USP24: variants seen among roughly 807,000 people sequenced by gnomAD.
The protein encoded by USP24 is ubiquitin carboxyl-terminal hydrolase 24.
In USP24, 97 loss-of-function variants were observed where a neutral mutation model predicts 361.6. That is an observed-to-expected ratio of 0.27 (90% confidence interval 0.23 to 0.32). The LOEUF (loss-of-function observed/expected upper bound fraction) is 0.32, where lower values mean the gene tolerates loss of function less well. USP24 is among the 10% of genes least tolerant of loss of function. USP24 has a pLI of 1.00. For synonymous variants in USP24, 1,098 were observed against 1,124.6 expected, an observed-to-expected ratio of 0.98 and a Z score of 0.47; for missense variants, 2,353 against 3,165.6, an observed-to-expected ratio of 0.74 and a Z score of 6.16.
intron 7 of USP24, among the ~76,000 whole-genome samples, 193 bp from the exon 8 acceptor site, chr1:55,162,457 A>T (rs2100769058): frequency 6.6e-6 from 1 of 152,368 alleles, no homozygotes; most frequent in African/African-American, 2.4e-5. Flanking sequence ...TTAAATTATT[A>T]TAGAAATTTA....
chr1:55,170,500 G>C (rs1649334781), intron 5 of USP24, among the ~76,000 whole-genome samples: 1 of 152,160 alleles, frequency 6.6e-6, no homozygotes, highest in Non-Finnish European at 1.5e-5. Flanking sequence ...AAAGAACATA[G>C]ACTAGCTGCC....
At position 55,159,655 on chromosome 1, in the gene USP24, T is replaced by C. The variant is rs150880897; in HGVS notation, c.1024A>G (p.Ile342Val). The C allele has an allele frequency of 7.9e-4, 1,230 of 1,562,224 alleles. 4 individuals carry two copies. Among genetic ancestry groups the C allele is most frequent in the African/African-American group, 7.8e-3 (579 of 73,938 alleles). Reference sequence around the variant, plus strand: ...TCTTCTACACTCCGTACATCCTGGATTGTAGTAAGAATGACTGGGTCTAGC... The same window carrying C: ...TCTTCTACACTCCGTACATCCTGGACTGTAGTAAGAATGACTGGGTCTAGC... ...PMLDPVILTT[I>V]QDVRSVEEKD... Residue 342 changes from isoleucine (I) to valine (V), a missense_variant, in exon 9 of 68, where the codon ATC becomes GTC. By Grantham distance (29) the Ile-to-Val change is conservative (BLOSUM62 3). Transcript: ENST00000294383.
At chr1:55,168,285 C>A (rs773354575) in intron 5 of USP24, among the ~76,000 whole-genome samples, 1 of 151,992 alleles carries the variant, frequency 6.6e-6, no homozygotes, top group Non-Finnish European at 1.5e-5. Flanking sequence ...AGATGGTGGA[C>A]GAAGGCAGAA....
At chr1:55,178,245 T>G in intron 1 of USP24, 113 bp from the exon 2 acceptor site, 2 of 1,040,536 alleles carry the variant, frequency 1.9e-6, no homozygotes, top group South Asian at 3.0e-5. Flanking sequence ...TTAATACCAA[T>G]AGCATGGATT....
intron 1 of USP24, among the ~76,000 whole-genome samples, chr1:55,200,034 C>A (rs997970075): frequency 6.6e-6 from 1 of 152,160 alleles, no homozygotes; most frequent in Non-Finnish European, 1.5e-5. Flanking sequence ...TTCACCACCA[C>A]GAGAACAATA....
At chr1:55,174,430 T>TGC (rs1325855989) in intron 3 of USP24, among the ~76,000 whole-genome samples, 1 of 152,190 alleles carries the variant, frequency 6.6e-6, no homozygotes, top group Non-Finnish European at 1.5e-5. Context: ...AGCTCTAAAG[T>TGC]GCAAAAGAAT....
intron 24 of USP24, among the ~76,000 whole-genome samples, chr1:55,139,578 C>T (rs1456318668): frequency 6.6e-6 from 1 of 152,136 alleles, no homozygotes; most frequent in Non-Finnish European, 1.5e-5. Flanking sequence ...CTTATATAGT[C>T]ATAGCCCCAT....
At chr1:55,183,657 T>C (rs999257326) in intron 1 of USP24, among the ~76,000 whole-genome samples, 1 of 152,168 alleles carries the variant, frequency 6.6e-6, no homozygotes, top group Admixed American at 6.5e-5. Context: ...GTAAATCCTG[T>C]CTTACCAGTA....
chr1:55,115,246 C>T (rs1231653660), intron 38 of USP24, among the ~76,000 whole-genome samples: 4 of 152,014 alleles, frequency 2.6e-5, no homozygotes, highest in African/African-American at 2.4e-5. Context: ...AGGCCGGGCG[C>T]GGTGGCTCAC....
At chr1:55,085,517 T>A (rs1047803884) in intron 56 of USP24, among the ~76,000 whole-genome samples, 2 of 152,252 alleles carry the variant, frequency 1.3e-5, no homozygotes, top group Non-Finnish European at 2.9e-5. Context: ...TGAATAGCAC[T>A]ATTTGGTTTG....
intron 28 of USP24, among the ~76,000 whole-genome samples, chr1:55,136,756 A>C (rs984468368): frequency 8.5e-5 from 13 of 152,176 alleles, no homozygotes; most frequent in African/African-American, 2.9e-4. Flanking sequence ...TGTGGGAAGA[A>C]GAGATTTGGG....
chr1:55,073,524 C>G (rs1644961923), intron 64 of USP24, among the ~76,000 whole-genome samples: 1 of 152,156 alleles, frequency 6.6e-6, no homozygotes, highest in African/African-American at 2.4e-5. Flanking sequence ...AATGAGAAAC[C>G]TTGAGTGAAA....
At chr1:55,165,347 G>A (rs761411035) in intron 7 of USP24, among the ~76,000 whole-genome samples, 2 of 152,064 alleles carry the variant, frequency 1.3e-5, no homozygotes, top group Non-Finnish European at 2.9e-5. Flanking sequence ...AAAAATTAAA[G>A]ATTAGTTATT....
At chr1:55,188,391 A>G (rs1047866188) in intron 1 of USP24, among the ~76,000 whole-genome samples, 1 of 152,138 alleles carries the variant, frequency 6.6e-6, no homozygotes, top group African/African-American at 2.4e-5. Flanking sequence ...AAAAGTCACC[A>G]TTAAGAAAGT....
At chr1:55,168,647 C>G (rs939274025) in intron 5 of USP24, among the ~76,000 whole-genome samples, 2 of 152,060 alleles carry the variant, frequency 1.3e-5, no homozygotes, top group African/African-American at 4.8e-5. Context: ...TCCTTGGTGT[C>G]AGATGAACTG....
Position 55,107,687 on chromosome 1 carries a change from C to CA in USP24, c.4571-258dup, listed in dbSNP as rs549443695. 2.6e-4 allele frequency among the ~76,000 whole-genome samples: 39 copies of CA among 151,636 alleles called. 1 individual carries two copies. In the South Asian group the frequency reaches 8.2e-3, roughly 32 times the overall value. ...TGAAACCCCATCTCTACTAAAAATA[C>CA]AAAAATTACACGGGCACGGTGGTGC... On this transcript the variant is annotated intron_variant, in intron 39 of 67. Coordinates refer to ENST00000294383, the MANE Select transcript of USP24 (RefSeq NM_015306.3).
In USP24 at chr1:55,095,384, G is replaced by C; in HGVS notation, c.6074C>G (p.Thr2025Ser). Residue 2025 changes from threonine to serine, a missense_variant, in exon 51 of 68, where the codon ACT becomes AGT. Transcript: ENST00000294383. ...ATTCCAGTATCTTCGGCGCACATCAGTGTATGGGTTTGCTTTATAACAAGA... is the reference window on the plus strand; with the variant it reads ...ATTCCAGTATCTTCGGCGCACATCACTGTATGGGTTTGCTTTATAACAAGA... Reference protein sequence around the residue: ...PKVYDQTNPYTDVRRRYWNAY... With the variant: ...PKVYDQTNPYSDVRRRYWNAY... 1 of 1,610,710 alleles carries C rather than the reference G, an allele frequency of 6.2e-7. No homozygotes were observed. Among genetic ancestry groups the C allele is most frequent in the Non-Finnish European group, 8.5e-7 (1 of 1,178,636 alleles).
At chr1:55,124,436 G>A (rs1290105440) in intron 35 of USP24, 33 bp downstream of exon 35, 2 of 1,587,592 alleles carry the variant, frequency 1.3e-6, no homozygotes, top group East Asian at 2.3e-5. Flanking sequence ...TTCTTACCCA[G>A]TGTTCTCATT....
Position 55,069,095 on chromosome 1 carries a change from G to GA in USP24, c.7812dup (p.Pro2605SerfsTer6), listed in dbSNP as rs1644867695. ...CTTCTCAACTCACCAATCATCATGGGAGATTCTGAACCCTGCAGAAAAGAA... is the reference window on the plus strand; with the variant it reads ...CTTCTCAACTCACCAATCATCATGGGAAGATTCTGAACCCTGCAGAAAAGAA... On this transcript the variant is annotated frameshift_variant, in exon 68 of 68. Coordinates refer to ENST00000294383, the MANE Select transcript of USP24 (RefSeq NM_015306.3). LOFTEE classifies it high-confidence loss of function. 6.2e-7 allele frequency: 1 copy of GA among 1,613,978 alleles called. No homozygotes were observed.
Sources: allele counts gnomAD v4.1 joint callset (sites outside exome capture counted in the v4.1 genomes callset), GRCh38; gene constraint gnomAD v4.1.1; transcripts MANE v1.5; gene names NCBI Gene and HGNC (gene_info 2026-07-23, HGNC 2026-07-21).